The following ZNF385D variants were observed in gnomAD, a reference collection of about 807,000 sequenced individuals.
ZNF385D encodes the protein zinc finger protein 385D.
ZNF385D carries 15 observed loss-of-function variants against 35.8 expected under a neutral mutation model. That is an observed-to-expected ratio of 0.42 (90% CI 0.28 to 0.64). ZNF385D has a LOEUF of 0.64. Among genes scored for constraint, ZNF385D ranks in the 30% least tolerant of loss-of-function variants. The pLI is 0.23. For missense variants in ZNF385D, 474 were observed against 494.6 expected, an observed-to-expected ratio of 0.96 and a Z score of 0.39; for synonymous variants, 212 against 186.8, an observed-to-expected ratio of 1.13 and a Z score of -1.10.
chr3:21,416,581 A>G lies in ZNF385D; in HGVS notation c.*4633T>C, dbSNP rs1214010818. ...TGATAGTAGCCTCTCTAGCTACTGA[A>G]GCAAACCATACAAAAACACAAGAGA... On this transcript the variant is annotated 3_prime_UTR_variant, in exon 8 of 8. Transcript: ENST00000281523. The G allele has an allele frequency of 6.6e-6, 1 of 152,126 alleles. No individual in the cohort carries two copies. The highest frequency in any genetic ancestry group is 1.5e-5 in the Non-Finnish European group (1 of 68,014). 9.4% of individuals were successfully genotyped at this position (152,126 alleles called of 1,614,324 possible).
At chr3:21,921,880 A>G (rs977793351) in intron 3 of ZNF385D, among the ~76,000 whole-genome samples, 1 of 151,602 alleles carries the variant, frequency 6.6e-6, no homozygotes, top group Non-Finnish European at 1.5e-5. Context: ...AAGATGCCCT[A>G]GAACAGATAG....
At chr3:22,330,437 T>G (rs1694881975) in intron 2 of ZNF385D, among the ~76,000 whole-genome samples, 1 of 152,078 alleles carries the variant, frequency 6.6e-6, no homozygotes, top group Non-Finnish European at 1.5e-5. Flanking sequence ...TAGGAGTTGT[T>G]TATTCTTGTT....
At chr3:22,249,546 G>A (rs1699961697) in intron 2 of ZNF385D, among the ~76,000 whole-genome samples, 1 of 152,266 alleles carries the variant, frequency 6.6e-6, no homozygotes, top group East Asian at 1.9e-4. Context: ...AAACAGAACA[G>A]TGCAATGCAT....
intron 2 of ZNF385D, among the ~76,000 whole-genome samples, chr3:22,366,709 T>C (rs1008071842): frequency 9.9e-5 from 15 of 152,218 alleles, no homozygotes; most frequent in African/African-American, 3.6e-4. Context: ...CCTTAGAACC[T>C]GTAAATGATA....
chr3:21,568,872 CA>C, intron 2 of ZNF385D, among the ~76,000 whole-genome samples: 1 of 152,196 alleles, frequency 6.6e-6, no homozygotes, highest in East Asian at 1.9e-4. Flanking sequence ...ATAGAAACTT[CA>C]GATATATTTC....
intron 1 of ZNF385D, among the ~76,000 whole-genome samples, chr3:21,721,453 T>TA (rs2068537652): frequency 6.6e-6 from 1 of 151,940 alleles, no homozygotes; most frequent in Non-Finnish European, 1.5e-5. Context: ...TGGCAGATCC[T>TA]AAAAAAGACT....
intron 4 of ZNF385D, among the ~76,000 whole-genome samples, chr3:21,502,101 T>C (rs897920638): frequency 6.6e-6 from 1 of 152,106 alleles, no homozygotes; most frequent in Non-Finnish European, 1.5e-5. Flanking sequence ...GAACAGCAAA[T>C]GCAGGGGTGG....
chr3:21,449,720 A>G (rs747664424), intron 4 of ZNF385D, among the ~76,000 whole-genome samples: 12 of 152,166 alleles, frequency 7.9e-5, no homozygotes, highest in Non-Finnish European at 1.5e-4. Flanking sequence ...AAAGTAGGTT[A>G]TTTTGAAAAT....
chr3:22,289,702 G>A (rs367718759), intron 2 of ZNF385D, among the ~76,000 whole-genome samples: 6 of 152,216 alleles, frequency 3.9e-5, no homozygotes, highest in Middle Eastern at 3.4e-3. Flanking sequence ...TGCCTAGTAC[G>A]TCTCATTTCC....
chr3:21,607,367 A>G (rs894523647), intron 2 of ZNF385D, among the ~76,000 whole-genome samples: 1 of 152,208 alleles, frequency 6.6e-6, no homozygotes, highest in Non-Finnish European at 1.5e-5. Context: ...TCATATTGAA[A>G]TTAATAAAAC....
At chr3:21,943,298 G>A (rs1701623347) in intron 3 of ZNF385D, among the ~76,000 whole-genome samples, 1 of 151,110 alleles carries the variant, frequency 6.6e-6, no homozygotes, top group African/African-American at 2.4e-5. Flanking sequence ...GTGTATAGAT[G>A]TGTGTGTGTG....
chr3:21,695,172 A>G (rs911118805), intron 1 of ZNF385D, among the ~76,000 whole-genome samples: 1 of 152,236 alleles, frequency 6.6e-6, no homozygotes, highest in African/African-American at 2.4e-5. Flanking sequence ...CCCGGAATAC[A>G]AAAGCGCGAT....
intron 4 of ZNF385D, among the ~76,000 whole-genome samples, chr3:21,504,517 CTG>C (rs1288204723): frequency 1.3e-5 from 2 of 152,070 alleles, no homozygotes; most frequent in African/African-American, 4.8e-5. Context: ...AAAAAGTACT[CTG>C]TAAATAAAAA....
chr3:21,784,206 G>A (rs1389018579), intron 3 of ZNF385D, among the ~76,000 whole-genome samples: 1 of 152,130 alleles, frequency 6.6e-6, no homozygotes, highest in African/African-American at 2.4e-5. Context: ...TGTTATTAAG[G>A]CTTCAAAATC....
chr3:21,422,950 C>G (rs1390479925), intron 7 of ZNF385D, among the ~76,000 whole-genome samples: 1 of 152,160 alleles, frequency 6.6e-6, no homozygotes, highest in African/African-American at 2.4e-5. Flanking sequence ...CCTCTCTCAC[C>G]ACTCCTATTC....
chr3:22,329,281 G>A (rs75520712), intron 2 of ZNF385D, among the ~76,000 whole-genome samples: 1,783 of 151,980 alleles, frequency 0.012, 25 homozygotes, highest in East Asian at 0.052. Flanking sequence ...TCTTTCTTGA[G>A]TAACAATTTG....
chr3:21,934,675 C>T (rs770390797), intron 3 of ZNF385D, among the ~76,000 whole-genome samples: 4 of 152,158 alleles, frequency 2.6e-5, no homozygotes, highest in Non-Finnish European at 5.9e-5. Flanking sequence ...AAGAGGGACT[C>T]TTAGTGATAC....
rs145276691 is a variant in ZNF385D, at chr3:22,137,535, G to A, written c.325+31282C>T. ...GTTCAACATGTGAAAATCAATAAAC[G>A]TAATCCAGCATATAAACAGAACCAA... On this transcript the variant is annotated intron_variant, in intron 3 of 5. Coordinates refer to the ZNF385D transcript ENST00000494108. Among the ~76,000 whole-genome samples the A allele has an allele frequency of 2.9e-3, 436 of 152,168 alleles. 1 individual carries two copies. The highest frequency in any genetic ancestry group is 4.7e-3 in the Non-Finnish European group (319 of 68,002).
At chr3:21,857,603 C>G (rs1696798325) in intron 3 of ZNF385D, among the ~76,000 whole-genome samples, 1 of 151,830 alleles carries the variant, frequency 6.6e-6, no homozygotes, top group South Asian at 2.1e-4. Context: ...TCAGTGAGAG[C>G]TGAAGTAATG....
Sources: gnomAD v4.1 joint callset for allele counts (sites outside exome capture counted in the v4.1 genomes callset) on GRCh38, gnomAD v4.1.1 for gene constraint, MANE v1.5 for transcripts, NCBI Gene and HGNC (gene_info 2026-07-23, HGNC 2026-07-21) for gene names.